MROH9: variants seen among roughly 807,000 people sequenced by gnomAD.
The protein encoded by MROH9 is maestro heat like repeat family member 9, also known as maestro heat-like repeat-containing protein family member 9.
In MROH9, 92 loss-of-function variants were observed where a neutral mutation model predicts 98.2. That is an observed-to-expected ratio of 0.94 (90% CI 0.79 to 1.11). The LOEUF (loss-of-function observed/expected upper bound fraction) is 1.11, where lower values mean the gene tolerates loss of function less well. Ranked by LOEUF, MROH9 falls within the 50% of genes most tolerant of loss-of-function variation. The pLI, the probability that MROH9 is intolerant of heterozygous loss-of-function variation, is 0.00. For missense variants in MROH9, 1,057 were observed against 1,014.8 expected (o/e 1.04, Z -0.57); for synonymous variants, 397 against 368.9 (o/e 1.08, Z -0.87).
At chr1:170,973,618 G>C (rs1317387248) in intron 8 of MROH9, among the ~76,000 whole-genome samples, 1 of 152,188 alleles carries the variant, frequency 6.6e-6, no homozygotes, top group African/African-American at 2.4e-5. Context: ...GCTCATGCCT[G>C]TAATCCCAGC....
chr1:171,036,051 T>C (rs1265027321), intron 20 of MROH9, among the ~76,000 whole-genome samples: 1 of 152,094 alleles, frequency 6.6e-6, no homozygotes, highest in Non-Finnish European at 1.5e-5. Flanking sequence ...AAATACTACA[T>C]ACCAATGGAA....
At chr1:171,018,041 G>A (rs1390434192) in intron 17 of MROH9, among the ~76,000 whole-genome samples, 1 of 152,124 alleles carries the variant, frequency 6.6e-6, no homozygotes, top group Non-Finnish European at 1.5e-5. Context: ...TCCACCAAGG[G>A]ACAGCCAAAG....
At chr1:171,019,019 T>C (rs960662377) in intron 17 of MROH9, among the ~76,000 whole-genome samples, 58 of 152,194 alleles carry the variant, frequency 3.8e-4, no homozygotes, top group Non-Finnish European at 4.7e-4. Context: ...TGTACATTCT[T>C]CTCAGTGCCA....
At chr1:170,946,663 G>T (rs1029510993) in intron 2 of MROH9, among the ~76,000 whole-genome samples, 4 of 151,780 alleles carry the variant, frequency 2.6e-5, no homozygotes, top group African/African-American at 9.7e-5. Flanking sequence ...GAAATAAAAA[G>T]TTATTTTTTT....
At chr1:170,942,881 T>G (rs1649178546) in intron 1 of MROH9, among the ~76,000 whole-genome samples, 1 of 152,066 alleles carries the variant, frequency 6.6e-6, no homozygotes, top group African/African-American at 2.4e-5. Flanking sequence ...TGCTTGCAGG[T>G]GGGCCAGGGT....
chr1:171,057,359 G>C (rs1182762101), intron 20 of MROH9, among the ~76,000 whole-genome samples: 2 of 152,104 alleles, frequency 1.3e-5, no homozygotes, highest in Non-Finnish European at 2.9e-5. Context: ...GTGGAAGAAA[G>C]AATATCAGAG....
chr1:171,054,491 GAACCCAAAAGCA>G (rs887236103), intron 20 of MROH9, among the ~76,000 whole-genome samples: 1 of 151,778 alleles, frequency 6.6e-6, no homozygotes, highest in African/African-American at 2.4e-5. Flanking sequence ...TCATGACCAA[GAACCCAAAAGCA>G]AATGCAACAA....
intron 20 of MROH9, among the ~76,000 whole-genome samples, chr1:171,033,619 T>C (rs1442438270): frequency 1.3e-5 from 2 of 152,176 alleles, no homozygotes; most frequent in Admixed American, 6.5e-5. Flanking sequence ...CTGAGTACCT[T>C]GGCTGCCAGT....
At chr1:170,991,419 T>C (rs1651349960) in intron 11 of MROH9, among the ~76,000 whole-genome samples, 1 of 152,102 alleles carries the variant, frequency 6.6e-6, no homozygotes, top group African/African-American at 2.4e-5. Context: ...TATTTCCATA[T>C]TCCAAGGGAT....
rs1652635559 is a variant in MROH9, at chr1:171,024,416, A to G, written c.1930A>G (p.Met644Val). 6.4e-7 allele frequency: 1 copy of G among 1,551,172 alleles called. No homozygotes were observed. Among genetic ancestry groups the G allele is most frequent in the South Asian group, 1.2e-5 (1 of 84,050 alleles). The stretch of plus-strand genomic sequence containing the variant: ...ACAGATTAATGGAGGCATTCGAAGT[A>G]TGGCAATTCGACACTTTGGTCAATT... Reference protein sequence around the residue: ...MDHINGGIRSMAIRHFGQLVR... With the variant: ...MDHINGGIRSVAIRHFGQLVR... Residue 644 changes from methionine to valine, a missense_variant, in exon 18 of 22, where the codon ATG becomes GTG. Transcript: ENST00000367759.
At chr1:170,977,735 T>C (rs1650766522) in intron 8 of MROH9, among the ~76,000 whole-genome samples, 1 of 152,210 alleles carries the variant, frequency 6.6e-6, no homozygotes, top group Admixed American at 6.5e-5. Flanking sequence ...TCAAGGTTTA[T>C]GTTTCCTCCC....
intron 20 of MROH9, among the ~76,000 whole-genome samples, chr1:171,034,040 A>G (rs924789071): frequency 2.6e-5 from 4 of 152,160 alleles, no homozygotes; most frequent in African/African-American, 4.8e-5. Context: ...TCAGACAAAA[A>G]AAATTACCTA....
At chr1:171,043,614 C>T (rs971683136) in intron 20 of MROH9, among the ~76,000 whole-genome samples, 4 of 151,742 alleles carry the variant, frequency 2.6e-5, no homozygotes, top group African/African-American at 9.7e-5. Context: ...AATCCATGAA[C>T]TTGGAATTTT....
intron 12 of MROH9, among the ~76,000 whole-genome samples, chr1:170,993,500 A>G (rs181055494): frequency 8.9e-4 from 135 of 152,328 alleles, no homozygotes; most frequent in Non-Finnish European, 1.6e-3. Context: ...TTCAACCATC[A>G]GTATTGTTTC....
chr1:171,011,246 C>T (rs1652147178), intron 15 of MROH9, among the ~76,000 whole-genome samples: 1 of 152,162 alleles, frequency 6.6e-6, no homozygotes, highest in Admixed American at 6.5e-5. Context: ...ATAACTAAAT[C>T]CAGAAAAATC....
At chr1:170,976,535 C>T (rs907797730) in intron 8 of MROH9, among the ~76,000 whole-genome samples, 17 of 151,866 alleles carry the variant, frequency 1.1e-4, no homozygotes, top group East Asian at 1.9e-4. Flanking sequence ...TCAATTGAGG[C>T]CAGGAGTTTG....
intron 1 of MROH9, among the ~76,000 whole-genome samples, chr1:170,944,296 C>A (rs1230901304): frequency 6.6e-6 from 1 of 151,736 alleles, no homozygotes; most frequent in Non-Finnish European, 1.5e-5. Context: ...GAATATAAAC[C>A]TTTCGTATTA....
chr1:170,972,299 G>A (rs73036084), intron 8 of MROH9, among the ~76,000 whole-genome samples: 5,610 of 152,230 alleles, frequency 0.037, 358 homozygotes, highest in African/African-American at 0.13. Flanking sequence ...AAATGTTGCT[G>A]TGGCTTGTCT....
chr1:170,975,383 T>C (rs1439331000), intron 8 of MROH9, among the ~76,000 whole-genome samples: 1 of 152,178 alleles, frequency 6.6e-6, no homozygotes, highest in East Asian at 1.9e-4. Context: ...AAGAAAGTCA[T>C]TTCATAATGA....
Sources: gnomAD v4.1 joint callset for allele counts (sites outside exome capture counted in the v4.1 genomes callset) on GRCh38, gnomAD v4.1.1 for gene constraint, MANE v1.5 for transcripts, NCBI Gene and HGNC (gene_info 2026-07-23, HGNC 2026-07-21) for gene names.